The following NELL1 variants were observed in gnomAD, a reference collection of about 807,000 sequenced individuals.
The protein encoded by NELL1 is neural EGFL like 1.
Under a neutral mutation model 107.4 loss-of-function variants are expected in NELL1, and 76 were observed. The observed-to-expected ratio is 0.71, with a 90% CI of 0.59 to 0.86. The LOEUF is 0.86. Among genes scored for constraint, NELL1 ranks in the 40% least tolerant of loss-of-function variants. The pLI, the probability that NELL1 is intolerant of heterozygous loss-of-function variation, is 0.00. For synonymous variants in NELL1, 353 were observed against 341.2 expected (o/e 1.03, Z -0.38); for missense variants, 1,024 against 1,005.5 (o/e 1.02, Z -0.25).
Position 20,827,251 on chromosome 11 carries a change from T to A in NELL1, c.336-20332T>A, listed in dbSNP as rs1590330574. On this transcript the variant is annotated intron_variant, in intron 3 of 19. Coordinates refer to ENST00000357134, the MANE Select transcript of NELL1 (RefSeq NM_006157.5). Reference sequence around the variant, plus strand: ...TGACCAGTGTCAAAGTAAACTTATGTTTTTATTCTTGTGCCAAAGCTCTGT... The same window carrying A: ...TGACCAGTGTCAAAGTAAACTTATGATTTTATTCTTGTGCCAAAGCTCTGT... 1.3e-5 allele frequency among the ~76,000 whole-genome samples: 2 copies of A among 151,234 alleles called. 1 individual carries two copies. The highest frequency in any genetic ancestry group is 1.3e-4 in the Admixed American group (2 of 15,030).
intron 3 of NELL1, among the ~76,000 whole-genome samples, chr11:20,796,386 A>G (rs535926919): frequency 6.6e-6 from 1 of 152,346 alleles, no homozygotes; most frequent in South Asian, 2.1e-4. Context: ...AGAAAATTCC[A>G]GAAGTATGTT....
intron 14 of NELL1, among the ~76,000 whole-genome samples, chr11:21,248,755 C>G (rs544888408): frequency 6.6e-6 from 1 of 152,306 alleles, no homozygotes; most frequent in East Asian, 1.9e-4. Flanking sequence ...CATTGGAACT[C>G]ATAACTTTTC....
At chr11:20,673,872 C>T (rs1196397598) in intron 1 of NELL1, among the ~76,000 whole-genome samples, 2 of 151,682 alleles carry the variant, frequency 1.3e-5, no homozygotes, top group Non-Finnish European at 2.9e-5. Flanking sequence ...CACACTCACA[C>T]TACATAAGGT....
intron 13 of NELL1, among the ~76,000 whole-genome samples, chr11:21,119,760 GT>G (rs1366756795): frequency 2.6e-5 from 4 of 152,018 alleles, no homozygotes. Flanking sequence ...GGGAGGAGGG[GT>G]TTTTCTTCTC....
chr11:21,156,706 G>T (rs1856244161), intron 13 of NELL1, among the ~76,000 whole-genome samples: 1 of 151,552 alleles, frequency 6.6e-6, no homozygotes. Flanking sequence ...AACTTTGAAA[G>T]TACATTAGTC....
chr11:20,899,607 TAGTA>T (rs1849828008), intron 5 of NELL1, among the ~76,000 whole-genome samples: 1 of 151,838 alleles, frequency 6.6e-6, no homozygotes, highest in Non-Finnish European at 1.5e-5. Context: ...AGGAATGAAA[TAGTA>T]AGCATGAAAT....
chr11:21,347,361 G>A (rs1427094662), intron 14 of NELL1, among the ~76,000 whole-genome samples: 18 of 152,128 alleles, frequency 1.2e-4, no homozygotes, highest in Non-Finnish European at 4.4e-5. Context: ...CCAGCACTTC[G>A]GGAGGCTGAG....
At chr11:21,333,919 C>A (rs1850326774) in intron 14 of NELL1, among the ~76,000 whole-genome samples, 1 of 152,038 alleles carries the variant, frequency 6.6e-6, no homozygotes, top group Non-Finnish European at 1.5e-5. Context: ...TTTTTCTCCA[C>A]TGCTGAGTCG....
rs1469343411 is a variant in NELL1, at chr11:20,678,014, T to C, written c.138T>C (p.Ala46=). The stretch of plus-strand genomic sequence containing the variant: ...TTGTGAACACCACCCTTGGAGTTGC[T>C]CAGGTGTCTGGAATGCACAATGCCA... ...LDLVNTTLGV[A]QVSGMHNASK... is the part of the protein sequence containing the mutation. Residue 46 remains alanine (A), a synonymous_variant, in exon 2 of 20, where the codon GCT becomes GCC. Transcript: ENST00000357134. 1 of 1,614,044 alleles carries C rather than the reference T, an allele frequency of 6.2e-7. No homozygotes were observed. The highest frequency in any genetic ancestry group is 1.3e-5 in the African/African-American group (1 of 74,926).
chr11:20,855,974 T>C (rs1848875548), intron 4 of NELL1, among the ~76,000 whole-genome samples: 1 of 152,246 alleles, frequency 6.6e-6, no homozygotes, highest in South Asian at 2.1e-4. Flanking sequence ...TTTTCTATAC[T>C]ACTGTAACAA....
chr11:21,133,888 A>G (rs887283399), intron 13 of NELL1, among the ~76,000 whole-genome samples: 2 of 152,266 alleles, frequency 1.3e-5, no homozygotes, highest in African/African-American at 2.4e-5. Context: ...CTCCTACCCC[A>G]CCAACTCAGA....
intron 14 of NELL1, among the ~76,000 whole-genome samples, chr11:21,236,801 C>T (rs201389815): frequency 3.3e-5 from 5 of 152,042 alleles, no homozygotes; most frequent in Admixed American, 6.6e-5. Context: ...ACATGCTGGA[C>T]GGTCAAGACA....
At chr11:21,472,451 T>C (rs1235845509) in intron 15 of NELL1, among the ~76,000 whole-genome samples, 1 of 152,006 alleles carries the variant, frequency 6.6e-6, no homozygotes, top group Non-Finnish European at 1.5e-5. Flanking sequence ...TATTGAGTCA[T>C]GAATCACTCC....
At chr11:20,939,661 G>A (rs1389965711) in intron 10 of NELL1, among the ~76,000 whole-genome samples, 1 of 152,182 alleles carries the variant, frequency 6.6e-6, no homozygotes, top group African/African-American at 2.4e-5. Context: ...AAGACAGCAT[G>A]CAATGGAGAA....
chr11:21,003,926 C>G lies in NELL1; in HGVS notation c.1300+43366C>G, dbSNP rs570979341. ...TAAATATAATATACAGATGAATATT[C>G]TTCTAGATAATTGTGGAGTGATGAA... On this transcript the variant is annotated intron_variant, in intron 12 of 19. Transcript: ENST00000357134. Among the ~76,000 whole-genome samples the G allele has an allele frequency of 2.6e-5, 4 of 152,060 alleles. No individual in the cohort carries two copies. The South Asian group carries it at 8.3e-4, about 32-fold the overall frequency.
chr11:20,743,898 T>C (rs1367965018), intron 2 of NELL1, among the ~76,000 whole-genome samples: 1 of 152,196 alleles, frequency 6.6e-6, no homozygotes, highest in Non-Finnish European at 1.5e-5. Context: ...CTCACCACTC[T>C]GGACATCTTC....
chr11:21,310,499 T>A (rs546548620), intron 14 of NELL1, among the ~76,000 whole-genome samples: 3 of 152,046 alleles, frequency 2.0e-5, no homozygotes, highest in Non-Finnish European at 4.4e-5. Flanking sequence ...TCATTTCACA[T>A]AATAGGACAA....
chr11:21,455,870 CTTTTCT>C (rs1415143717), intron 15 of NELL1, among the ~76,000 whole-genome samples: 1 of 44,674 alleles, frequency 2.2e-5, no homozygotes, highest in Non-Finnish European at 4.0e-5. Flanking sequence ...TTTCTTCTTT[CTTTTCT>C]TTTTTTTTTT....
intron 11 of NELL1, among the ~76,000 whole-genome samples, chr11:20,957,541 C>A (rs1851201217): frequency 6.6e-6 from 1 of 152,156 alleles, no homozygotes; most frequent in South Asian, 2.1e-4. Flanking sequence ...AGCTATCATG[C>A]ATGCTATTCA....
Sources: gnomAD v4.1 joint callset for allele counts (sites outside exome capture counted in the v4.1 genomes callset) on GRCh38, gnomAD v4.1.1 for gene constraint, MANE v1.5 for transcripts, NCBI Gene and HGNC (gene_info 2026-07-23, HGNC 2026-07-21) for gene names.